Variants in WDR59 observed in about 807,000 individuals in gnomAD.
The protein encoded by WDR59 is WD repeat domain 59, also known as GATOR2 complex protein WDR59.
In WDR59, 100 loss-of-function variants were observed where a neutral mutation model predicts 131.2. The observed-to-expected ratio is 0.76, with a 90% CI of 0.65 to 0.90. The LOEUF (loss-of-function observed/expected upper bound fraction) is 0.90. WDR59 is among the 40% of genes least tolerant of loss of function. The pLI is 0.00. For missense variants in WDR59, 1,203 were observed against 1,262.2 expected (o/e 0.95, Z 0.71); for synonymous variants, 601 against 466.2 (o/e 1.29, Z -3.72).
chr16:74,942,798 T>C lies in WDR59; in HGVS notation c.474A>G (p.Lys158=). Residue 158 remains lysine, a synonymous_variant, in exon 7 of 26, where the codon AAA becomes AAG. Coordinates refer to ENST00000262144, the MANE Select transcript of WDR59 (RefSeq NM_030581.4). ...VAGASQVKWN[K]KNANCLATSH... is the part of the protein sequence containing the mutation. Reference sequence around the variant, plus strand: ...TGGTGGCAAGGCAGTTAGCATTTTTTTTATTCCATTTGACCTGGGAGGCAC... The same window carrying C: ...TGGTGGCAAGGCAGTTAGCATTTTTCTTATTCCATTTGACCTGGGAGGCAC... 3.7e-6 allele frequency: 6 copies of C among 1,612,874 alleles called. No individual in the cohort carries two copies. The highest frequency in any genetic ancestry group is 5.1e-6 in the Non-Finnish European group (6 of 1,179,674).
intron 1 of WDR59, 138 bp downstream of exon 1, chr16:74,984,826 G>A (rs1009587483): frequency 1.6e-6 from 2 of 1,266,482 alleles, no homozygotes; most frequent in South Asian, 1.4e-5. Context: ...GGGCCTAAGA[G>A]GTCGGCTAAG....
chr16:74,905,508 C>T lies in WDR59; in HGVS notation c.1713-1408G>A, dbSNP rs188203221. Among the ~76,000 whole-genome samples the T allele has an allele frequency of 7.1e-3, 1,072 of 151,220 alleles. 15 individuals carry two copies. Among genetic ancestry groups the T allele is most frequent in the African/African-American group, 0.025 (1,016 of 41,182 alleles). ...CATCCTGGCTAACATGGTGAAACCCCGTCTCTATTAAAAAATACAAAAAAT... is the reference window on the plus strand; with the variant it reads ...CATCCTGGCTAACATGGTGAAACCCTGTCTCTATTAAAAAATACAAAAAAT... On this transcript the variant is annotated intron_variant, in intron 17 of 25. Transcript: ENST00000262144.
rs370645396 is a variant in WDR59, at chr16:74,900,064, G to T, written c.1866+3883C>A. Reference sequence around the variant, plus strand: ...GTTCTGACAAAGGAACTACAAATAGGTTTGAGGAACACTAACACACACTGA... The same window carrying T: ...GTTCTGACAAAGGAACTACAAATAGTTTTGAGGAACACTAACACACACTGA... On this transcript the variant is annotated intron_variant, in intron 18 of 25. Transcript: ENST00000262144. Among the ~76,000 whole-genome samples the T allele has an allele frequency of 1.2e-4, 19 of 152,282 alleles. No homozygotes were observed. In the South Asian group the frequency reaches 3.7e-3, roughly 30 times the overall value.
At chr16:74,913,784 A>G (rs1966223122) in intron 13 of WDR59, among the ~76,000 whole-genome samples, 1 of 152,196 alleles carries the variant, frequency 6.6e-6, no homozygotes, top group African/African-American at 2.4e-5. Flanking sequence ...GGGAAGGGGA[A>G]ATAGGGAGTG....
intron 16 of WDR59, 141 bp from the exon 17 acceptor site, chr16:74,909,118 T>A: frequency 2.8e-6 from 2 of 726,354 alleles, no homozygotes; most frequent in South Asian, 3.5e-5. Flanking sequence ...GACTCCTGAC[T>A]GCAGTCACCC....
At position 74,922,043 on chromosome 16, in the gene WDR59, G is replaced by A; in HGVS notation, c.790C>T (p.Leu264Phe). 1 of 1,614,226 alleles carries A rather than the reference G, an allele frequency of 6.2e-7. No homozygotes were observed. Among genetic ancestry groups the A allele is most frequent in the Non-Finnish European group, 8.5e-7 (1 of 1,180,040 alleles). Residue 264 changes from leucine to phenylalanine, a missense_variant, in exon 10 of 26, where the codon CTC becomes TTC. By Grantham distance (22) the Leu-to-Phe change is conservative. Coordinates refer to ENST00000262144, the MANE Select transcript of WDR59 (RefSeq NM_030581.4). The part of the protein sequence containing the change: ...VPQLRRENSL[L>F]LWNVFDLNTP... ...TTCAAGTCAAAGACATTCCACAGGAGAAGGCTGTTTTCCCTCCGCAGCTGG... is the reference window on the plus strand; with the variant it reads ...TTCAAGTCAAAGACATTCCACAGGAAAAGGCTGTTTTCCCTCCGCAGCTGG...
At position 74,873,591 on chromosome 16, in the gene WDR59, T is replaced by C. The variant is rs1964060103; in HGVS notation, c.*618A>G. Reference sequence around the variant, plus strand: ...AATGTTGTTTAACTTTCTCTCTTTTTTTTTTTTTTCAAATTACTAGAATTT... The same window carrying C: ...AATGTTGTTTAACTTTCTCTCTTTTCTTTTTTTTTCAAATTACTAGAATTT... On this transcript the variant is annotated 3_prime_UTR_variant, in exon 26 of 26. Coordinates refer to ENST00000262144, the MANE Select transcript of WDR59 (RefSeq NM_030581.4). The C allele has an allele frequency of 6.7e-6, 1 of 150,296 alleles. No homozygotes were observed. The highest frequency in any genetic ancestry group is 1.5e-5 in the Non-Finnish European group (1 of 67,944). 9.3% of individuals were successfully genotyped at this position (150,296 alleles called of 1,614,324 possible).
At position 74,923,968 on chromosome 16, in the gene WDR59, A is replaced by G. The variant is rs1447595946; in HGVS notation, c.687T>C (p.Asn229=). ...WDYRQPRKYL[N]ILPCQVPVWK... ...AGACAGGCACCTGGCAAGGAAGAAT[A>G]TTGAGGTATTTCCGAGGCTGGCGGT... The change falls in exon 9 of 26, where the codon AAT becomes AAC. Residue 229 remains asparagine, a synonymous_variant. Coordinates refer to ENST00000262144, the MANE Select transcript of WDR59 (RefSeq NM_030581.4). 3.7e-6 allele frequency: 6 copies of G among 1,613,692 alleles called. No individual in the cohort carries two copies. The highest frequency in any genetic ancestry group is 1.3e-5 in the African/African-American group (1 of 74,920).
chr16:74,981,633 T>TATATATATATATATATACAC (rs2034415186), intron 1 of WDR59, among the ~76,000 whole-genome samples: 1 of 17,564 alleles, frequency 5.7e-5, no homozygotes, highest in African/African-American at 2.0e-4. Flanking sequence ...TATATATATA[T>TATATATATATATATATACAC]ATATATATAT....
chr16:74,983,526 T>C (rs2034506941), intron 1 of WDR59, among the ~76,000 whole-genome samples: 1 of 152,046 alleles, frequency 6.6e-6, no homozygotes, highest in African/African-American at 2.4e-5. Flanking sequence ...GACACTGTCC[T>C]AGGTGCTGGG....
intron 10 of WDR59, 122 bp from the exon 11 acceptor site, chr16:74,918,130 T>C (rs944171320): frequency 2.3e-6 from 2 of 871,218 alleles, no homozygotes; most frequent in Non-Finnish European, 3.7e-6. Context: ...ATTTCTCATA[T>C]GCCAGGCACT....
intron 10 of WDR59, among the ~76,000 whole-genome samples, chr16:74,918,251 T>C (rs1218958935): frequency 6.6e-6 from 1 of 152,170 alleles, no homozygotes; most frequent in Non-Finnish European, 1.5e-5. Flanking sequence ...GTATAAAGAA[T>C]AACACAGGAT....
At chr16:74,884,054 T>C (rs72798603) in intron 25 of WDR59, among the ~76,000 whole-genome samples, 21,782 of 152,242 alleles carry the variant, frequency 0.14, 1,728 homozygotes, top group Middle Eastern at 0.21. Flanking sequence ...CGTCCAAGTT[T>C]CATCTTTCTT....
rs190513115 is a variant in WDR59, at chr16:74,937,540, C to T, written c.651+610G>A. Among the ~76,000 whole-genome samples, 56 of 152,272 alleles carry T rather than the reference C, an allele frequency of 3.7e-4. No homozygotes were observed. In the South Asian group the frequency reaches 0.01, roughly 28 times the overall value. ...TTCTTGAGGCAGAGGCTCGCTCGGTCGCCCAGGTTGGAGTGCAGTGGATCA... is the reference window on the plus strand; with the variant it reads ...TTCTTGAGGCAGAGGCTCGCTCGGTTGCCCAGGTTGGAGTGCAGTGGATCA... On this transcript the variant is annotated intron_variant, in intron 8 of 25. Transcript: ENST00000262144.
chr16:74,964,233 G>T (rs1403591279), intron 2 of WDR59, among the ~76,000 whole-genome samples: 3 of 152,016 alleles, frequency 2.0e-5, no homozygotes, highest in Non-Finnish European at 4.4e-5. Flanking sequence ...ACAAAAATTA[G>T]CTGGGCATGG....
chr16:74,881,671 G>A (rs186920747), intron 25 of WDR59, among the ~76,000 whole-genome samples: 5 of 151,966 alleles, frequency 3.3e-5, no homozygotes, highest in Admixed American at 6.6e-5. Context: ...TCAGGAGTTC[G>A]AGACCAGCCT....
At chr16:74,907,722 A>T (rs1567707306) in intron 17 of WDR59, among the ~76,000 whole-genome samples, 1 of 152,344 alleles carries the variant, frequency 6.6e-6, no homozygotes, top group East Asian at 1.9e-4. Flanking sequence ...GCGGAACCAG[A>T]AGTCTACTGT....
At chr16:74,945,800 G>A (rs8045453) in intron 6 of WDR59, among the ~76,000 whole-genome samples, 120,654 of 150,482 alleles carry the variant, frequency 0.8, 48,676 homozygotes, top group East Asian at 1. Context: ...AGAGAGACAG[G>A]CCACATTCAC....
intron 2 of WDR59, among the ~76,000 whole-genome samples, chr16:74,958,498 C>T (rs1284063917): frequency 7.0e-6 from 1 of 142,330 alleles, no homozygotes; most frequent in Non-Finnish European, 1.5e-5. Flanking sequence ...GAGGCTGAGG[C>T]AGGAGAATTG....
Sources: allele counts gnomAD v4.1 joint callset (sites outside exome capture counted in the v4.1 genomes callset), GRCh38; gene constraint gnomAD v4.1.1; transcripts MANE v1.5; gene names NCBI Gene and HGNC (gene_info 2026-07-23, HGNC 2026-07-21).